FSD1L: variants seen among roughly 807,000 people sequenced by gnomAD.
The protein encoded by FSD1L is FSD1-like protein.
A neutral mutation model predicts 71.6 loss-of-function variants in FSD1L; 45 were observed. The ratio of observed to expected loss-of-function variants is 0.63; its 90% CI spans 0.49 to 0.81. The LOEUF (loss-of-function observed/expected upper bound fraction) is 0.81, where lower values mean the gene tolerates loss of function less well. Ranked by LOEUF, FSD1L falls within the 30% of genes least tolerant of loss-of-function variation. FSD1L has a pLI of 0.00. For synonymous variants in FSD1L, 197 were observed against 207.2 expected (o/e 0.95, Z 0.42); for missense variants, 561 against 618.1 (o/e 0.91, Z 0.98).
In FSD1L at chr9:105,471,955, G is replaced by A; in HGVS notation, c.391G>A (p.Glu131Lys). 1 of 1,423,582 alleles carries A rather than the reference G, an allele frequency of 7.0e-7. No individual in the cohort carries two copies. Among genetic ancestry groups the A allele is most frequent in the Non-Finnish European group, 9.2e-7 (1 of 1,090,836 alleles). 88.2% of individuals were successfully genotyped at this position (1,423,582 alleles called of 1,614,324 possible). The change falls in exon 5 of 14, where the codon GAA (glutamate) becomes AAA (lysine). Residue 131 changes from glutamate (E) to lysine (K), a missense_variant. Coordinates refer to ENST00000481272, the MANE Select transcript of FSD1L (RefSeq NM_001145313.3). ...NALENSEELL[E>K]FATRSLDIKE... ...CCTGGAGAACTCTGAAGAACTATTAGAATTTGCAACAAGGTCATTAGATAT... is the reference window on the plus strand; with the variant it reads ...CCTGGAGAACTCTGAAGAACTATTAAAATTTGCAACAAGGTCATTAGATAT...
chr9:105,475,925 A>G (rs1384910046), intron 5 of FSD1L, among the ~76,000 whole-genome samples: 2 of 152,048 alleles, frequency 1.3e-5, no homozygotes, highest in African/African-American at 2.4e-5. Flanking sequence ...TTTTTTTTCC[A>G]AAGACATATT....
chr9:105,509,279 A>G (rs1834259585), intron 9 of FSD1L, among the ~76,000 whole-genome samples: 1 of 152,160 alleles, frequency 6.6e-6, no homozygotes, highest in South Asian at 2.1e-4. Context: ...TGATCCCTAG[A>G]CCTAGTTTGG....
chr9:105,543,882 G>T (rs1183404957), intron 13 of FSD1L, among the ~76,000 whole-genome samples: 1 of 152,064 alleles, frequency 6.6e-6, no homozygotes, highest in Non-Finnish European at 1.5e-5. Context: ...GAATAGTGCC[G>T]CAATAAACAT....
At chr9:105,537,572 T>G (rs1836347252) in intron 12 of FSD1L, among the ~76,000 whole-genome samples, 1 of 152,084 alleles carries the variant, frequency 6.6e-6, no homozygotes, top group Non-Finnish European at 1.5e-5. Flanking sequence ...AGTTGTACTG[T>G]GGAATAGGAT....
At chr9:105,509,175 TAA>T (rs1440148474) in intron 9 of FSD1L, among the ~76,000 whole-genome samples, 1 of 152,240 alleles carries the variant, frequency 6.6e-6, no homozygotes. Context: ...ATTAGATAAT[TAA>T]AGTCATCTTG....
intron 10 of FSD1L, among the ~76,000 whole-genome samples, chr9:105,519,080 T>TACAC (rs1403203164): frequency 1.3e-5 from 2 of 152,136 alleles, no homozygotes; most frequent in African/African-American, 4.8e-5. Context: ...CCTGGACACA[T>TACAC]ACACCCTCCC....
intron 3 of FSD1L, among the ~76,000 whole-genome samples, chr9:105,465,851 A>C (rs1831029659): frequency 6.6e-6 from 1 of 152,148 alleles, no homozygotes; most frequent in African/African-American, 2.4e-5. Flanking sequence ...GTCAGGAACA[A>C]GACAAAGATG....
At chr9:105,469,877 C>T (rs1831338951) in intron 4 of FSD1L, among the ~76,000 whole-genome samples, 1 of 152,020 alleles carries the variant, frequency 6.6e-6, no homozygotes, top group African/African-American at 2.4e-5. Context: ...TCTATGTTTT[C>T]TTCTAGGAGC....
At chr9:105,469,438 G>T (rs1282228340) in intron 4 of FSD1L, among the ~76,000 whole-genome samples, 18 of 148,126 alleles carry the variant, frequency 1.2e-4, no homozygotes, top group South Asian at 2.1e-4. Flanking sequence ...TTATTTTCTG[G>T]TTTTTTTTTT....
At chr9:105,448,924 G>C (rs1052472625) in intron 1 of FSD1L, among the ~76,000 whole-genome samples, 1 of 152,192 alleles carries the variant, frequency 6.6e-6, no homozygotes, top group African/African-American at 2.4e-5. Context: ...TTATATAATC[G>C]TAAAGGTTCA....
At chr9:105,449,782 T>TCAGGACATGGAGG (rs1829876516) in intron 1 of FSD1L, among the ~76,000 whole-genome samples, 1 of 39,112 alleles carries the variant, frequency 2.6e-5, no homozygotes, top group African/African-American at 2.4e-4. Flanking sequence ...CTTTAATGAG[T>TCAGGACATGGAGG]TGTGACTCCT....
rs145048924 is a variant in FSD1L at position 105,537,282 on chromosome 9, CAGTTA to C, written c.1378+1966_1378+1970del. On this transcript the variant is annotated intron_variant, in intron 12 of 13. Coordinates refer to ENST00000481272, the MANE Select transcript of FSD1L (RefSeq NM_001145313.3). ...GTGCCCAAATAATTCCGTGAGCTGT[CAGTTA>C]ATTTACTCAAAAAAGGAGAAAAAGT... 9.2e-3 allele frequency among the ~76,000 whole-genome samples: 1,402 copies of C among 152,226 alleles called. 21 individuals are homozygous for C. The highest frequency in any genetic ancestry group is 0.032 in the African/African-American group (1,343 of 41,530).
upstream of FSD1L, among the ~76,000 whole-genome samples, chr9:105,445,609 C>T (rs1427985349): frequency 6.6e-6 from 1 of 152,120 alleles, no homozygotes; most frequent in Non-Finnish European, 1.5e-5. Context: ...TCTGCTTAGT[C>T]GTGGGTCCCA....
intron 3 of FSD1L, among the ~76,000 whole-genome samples, chr9:105,466,211 A>G (rs7870485): frequency 0.13 from 19,702 of 152,184 alleles, 1,638 homozygotes; most frequent in African/African-American, 0.23. Context: ...ACTGAAAGCT[A>G]TAAAACACTG....
intron 2 of FSD1L, among the ~76,000 whole-genome samples, chr9:105,463,633 C>A (rs944847843): frequency 6.6e-6 from 1 of 152,060 alleles, no homozygotes; most frequent in Admixed American, 6.5e-5. Context: ...TAGCACCGAA[C>A]CAGAGAGAAA....
chr9:105,468,770 C>T (rs1014034158), intron 4 of FSD1L, among the ~76,000 whole-genome samples: 1 of 152,190 alleles, frequency 6.6e-6, no homozygotes, highest in Admixed American at 6.5e-5. Context: ...GCTGGGATTA[C>T]AGGCGTAAGG....
At chr9:105,452,311 T>G (rs760425878) in intron 1 of FSD1L, among the ~76,000 whole-genome samples, 5 of 152,194 alleles carry the variant, frequency 3.3e-5, no homozygotes, top group Non-Finnish European at 7.3e-5. Flanking sequence ...GAAAGAGGAA[T>G]GAAATTTGAT....
chr9:105,494,809 A>T lies in FSD1L; in HGVS notation c.586+10307A>T, dbSNP rs183781367. Reference sequence around the variant, plus strand: ...GGGTACCAGCAGCGGTGGCTGCAGAACAGTGGATTTTCGTGAACCGCAAAT... The same window carrying T: ...GGGTACCAGCAGCGGTGGCTGCAGATCAGTGGATTTTCGTGAACCGCAAAT... On this transcript the variant is annotated intron_variant, in intron 7 of 13. Coordinates refer to ENST00000481272, the MANE Select transcript of FSD1L (RefSeq NM_001145313.3). 2.0e-5 allele frequency among the ~76,000 whole-genome samples: 3 copies of T among 152,262 alleles called. No homozygotes were observed. The East Asian group carries it at 5.8e-4, about 29-fold the overall frequency.
chr9:105,506,412 A>G lies in FSD1L; in HGVS notation c.600A>G (p.Pro200=), dbSNP rs1050824742. The G allele has an allele frequency of 1.3e-6, 2 of 1,550,530 alleles. No homozygotes were observed. Among genetic ancestry groups the G allele is most frequent in the Admixed American group, 3.9e-5 (2 of 50,950 alleles). ...TCTTCTTTGCAGTCCCCAAAGCTCC[A>G]GAGATAGATCCAGTAGAGTGTTTGG... ...TLKFLPVPKA[P]EIDPVECLVA... is the part of the protein sequence containing the mutation. Residue 200 remains proline, a synonymous_variant, in exon 8 of 14, where the codon CCA becomes CCG. Coordinates refer to ENST00000481272, the MANE Select transcript of FSD1L (RefSeq NM_001145313.3).
Sources: allele counts gnomAD v4.1 joint callset (sites outside exome capture counted in the v4.1 genomes callset), GRCh38; gene constraint gnomAD v4.1.1; transcripts MANE v1.5; gene names NCBI Gene and HGNC (gene_info 2026-07-23, HGNC 2026-07-21).